TCF7L2: variants seen among roughly 807,000 people sequenced by gnomAD.
TCF7L2 encodes the protein transcription factor 7 like 2.
TCF7L2 carries 23 observed loss-of-function variants against 77.9 expected under a neutral mutation model. The ratio of observed to expected loss-of-function variants is 0.30; its 90% confidence interval spans 0.21 to 0.42. The LOEUF is 0.42. TCF7L2 is among the 10% of genes least tolerant of loss of function. The pLI, the probability that TCF7L2 is intolerant of heterozygous loss-of-function variation, is 1.00. For missense variants in TCF7L2, 654 were observed against 793.1 expected (o/e 0.82, Z 2.11); for synonymous variants, 413 against 340.2 (o/e 1.21, Z -2.36).
intron 12 of TCF7L2, 136 bp downstream of exon 14, chr10:113,160,128 G>A (rs867097011): frequency 2.7e-6 from 2 of 749,054 alleles, no homozygotes; most frequent in Non-Finnish European, 4.4e-6. Flanking sequence ...ACTGCCAAGT[G>A]TATGGGTTCT....
chr10:112,951,700 G>GCCTCCC (rs1362385335), intron 3 of TCF7L2, 93 bp downstream of exon 3: 14 of 523,422 alleles, frequency 2.7e-5, no homozygotes, highest in Admixed American at 5.3e-4. Context: ...CCCCCTCCCC[G>GCCTCCC]CCTCCCCCTC....
intron 5 of TCF7L2, among the ~76,000 whole-genome samples, chr10:113,094,286 CT>C (rs906703980): frequency 2.6e-5 from 4 of 152,150 alleles, no homozygotes; most frequent in Admixed American, 1.3e-4. Flanking sequence ...TCCTATGTGG[CT>C]TATTTTATGT....
At chr10:113,115,745 C>T (rs1399488179) in intron 5 of TCF7L2, among the ~76,000 whole-genome samples, 1 of 152,124 alleles carries the variant, frequency 6.6e-6, no homozygotes, top group East Asian at 1.9e-4. Flanking sequence ...TGTGCGGCCT[C>T]CATTTCAAGG....
chr10:113,140,032 C>T (rs1003017183), intron 5 of TCF7L2, among the ~76,000 whole-genome samples: 1 of 152,198 alleles, frequency 6.6e-6, no homozygotes, highest in Non-Finnish European at 1.5e-5. Context: ...CTAATCCATT[C>T]ATCATCTAAT....
Position 113,165,928 on chromosome 10 carries a change from A to G in TCF7L2, c.1765A>G (p.Thr589Ala), listed in dbSNP as rs766048650. Reference sequence around the variant, plus strand: ...ACATTCCCACAGCTCCCTGGCCGGGACCCAGCCCCAGCCGCTGTCGCTCGT... The same window carrying G: ...ACATTCCCACAGCTCCCTGGCCGGGGCCCAGCCCCAGCCGCTGTCGCTCGT... The change falls in exon 14 of 14, where the codon ACC becomes GCC. Residue 589 changes from threonine to alanine, a missense_variant. Around this residue, in one of 6 missense-constraint regions of TCF7L2, gnomAD observed 272 missense variants for 215.4 expected, o/e 1.26. Coordinates refer to ENST00000627217, the MANE Select transcript of TCF7L2 (RefSeq NM_001146274.2). The G allele has an allele frequency of 3.3e-5, 52 of 1,556,990 alleles. No homozygotes were observed. Among genetic ancestry groups the G allele is most frequent in the Middle Eastern group, 1.7e-4 (1 of 5,792 alleles).
intron 5 of TCF7L2, among the ~76,000 whole-genome samples, chr10:113,107,370 G>A (rs969739610): frequency 6.6e-6 from 1 of 152,080 alleles, no homozygotes; most frequent in Non-Finnish European, 1.5e-5. Flanking sequence ...CACAAAAGAA[G>A]TTAAGCCTTA....
chr10:112,992,269 AT>A (rs1388757540), intron 4 of TCF7L2, among the ~76,000 whole-genome samples: 11 of 152,252 alleles, frequency 7.2e-5, no homozygotes, highest in African/African-American at 2.4e-4. Context: ...AGGCAGTGGG[AT>A]TGGGCAACCT....
At chr10:113,059,909 G>A (rs1427033300) in intron 5 of TCF7L2, among the ~76,000 whole-genome samples, 1 of 151,894 alleles carries the variant, frequency 6.6e-6, no homozygotes, top group Non-Finnish European at 1.5e-5. Flanking sequence ...CATTTTTGGG[G>A]TGTGTGTGTG....
chr10:113,065,608 G>T lies in TCF7L2; in HGVS notation c.552+25482G>T, dbSNP rs141280595. On this transcript the variant is annotated intron_variant, in intron 5 of 13. Transcript: ENST00000627217. ...ATCGGGATAACTGGGGCTTCTGAAG[G>T]GGTAGGGTCATGTAGCCTGGTGGTT... Among the ~76,000 whole-genome samples, 21 of 152,302 alleles carry T rather than the reference G, an allele frequency of 1.4e-4. No individual in the cohort carries two copies. The Middle Eastern group carries it at 0.01, about 74-fold the overall frequency.
intron 3 of TCF7L2, among the ~76,000 whole-genome samples, chr10:112,953,566 C>T (rs561429697): frequency 7.7e-4 from 118 of 152,300 alleles, no homozygotes; most frequent in African/African-American, 2.7e-3. Flanking sequence ...ATTTTAAAAT[C>T]CACTTAACCA....
chr10:113,033,341 C>T (rs554137618), intron 4 of TCF7L2, among the ~76,000 whole-genome samples: 3 of 152,132 alleles, frequency 2.0e-5, no homozygotes, highest in Non-Finnish European at 2.9e-5. Flanking sequence ...TTATTGCAAC[C>T]TCTGCCTCCT....
At chr10:113,061,661 A>T (rs2056464178) in intron 5 of TCF7L2, among the ~76,000 whole-genome samples, 1 of 152,188 alleles carries the variant, frequency 6.6e-6, no homozygotes, top group Non-Finnish European at 1.5e-5. Context: ...TTCCGTGGAG[A>T]TGAAAGGGCA....
At chr10:113,094,946 C>G (rs1368762055) in intron 5 of TCF7L2, among the ~76,000 whole-genome samples, 1 of 152,146 alleles carries the variant, frequency 6.6e-6, no homozygotes, top group African/African-American at 2.4e-5. Flanking sequence ...TGGCAAAACA[C>G]TGTCTCTACT....
intron 5 of TCF7L2, among the ~76,000 whole-genome samples, chr10:113,119,699 G>A (rs1368435128): frequency 6.6e-6 from 1 of 151,786 alleles, no homozygotes; most frequent in African/African-American, 2.4e-5. Context: ...CTTATCGAAG[G>A]TTTCAATATA....
At chr10:113,072,205 G>A (rs1273244142) in intron 5 of TCF7L2, among the ~76,000 whole-genome samples, 7 of 151,738 alleles carry the variant, frequency 4.6e-5, no homozygotes, top group South Asian at 2.1e-4. Context: ...ACAGGCACCC[G>A]CCACCACGCC....
rs1168771180 is a variant in TCF7L2, at chr10:113,144,036, C to T, written c.788+11C>T. ...ATGGTTAGTACCACAGTAAGGAGTT[C>T]CATTTTTTAATTTCCTTTTTGTTTC... On this transcript the variant is annotated intron_variant, in intron 7 of 13. Coordinates refer to ENST00000627217, the MANE Select transcript of TCF7L2 (RefSeq NM_001146274.2). The T allele has an allele frequency of 1.2e-6, 2 of 1,605,276 alleles. No homozygotes were observed. Among genetic ancestry groups the T allele is most frequent in the East Asian group, 4.5e-5 (2 of 44,796 alleles).
At chr10:112,975,447 C>T (rs536381236) in intron 4 of TCF7L2, among the ~76,000 whole-genome samples, 14 of 152,156 alleles carry the variant, frequency 9.2e-5, no homozygotes, top group South Asian at 4.2e-4. Context: ...GGGACCATCC[C>T]GTGCATTGTA....
chr10:113,078,508 G>T (rs1342274522), intron 5 of TCF7L2, among the ~76,000 whole-genome samples: 2 of 152,036 alleles, frequency 1.3e-5, no homozygotes. Context: ...TCAAGTGATG[G>T]CTGAGACTAC....
rs533390304 is a variant in TCF7L2 at position 113,084,163 on chromosome 10, T to C, written c.552+44037T>C. Among the ~76,000 whole-genome samples, 261 of 152,316 alleles carry C rather than the reference T, an allele frequency of 1.7e-3. 2 individuals carry two copies. Among genetic ancestry groups the C allele is most frequent in the African/African-American group, 5.8e-3 (243 of 41,556 alleles). ...AAAACCAATAGGATGTATGTGTTTATATAGAGAGATTTGTAATAAGGAACT... is the reference window on the plus strand; with the variant it reads ...AAAACCAATAGGATGTATGTGTTTACATAGAGAGATTTGTAATAAGGAACT... On this transcript the variant is annotated intron_variant, in intron 5 of 13. Transcript: ENST00000627217.
Sources: gnomAD v4.1 joint callset for allele counts (sites outside exome capture counted in the v4.1 genomes callset) on GRCh38, gnomAD v4.1.1 for gene constraint, gnomAD v4.1.1 regional missense constraint, MANE v1.5 for transcripts, NCBI Gene and HGNC (gene_info 2026-07-23, HGNC 2026-07-21) for gene names.